ADAMTSL1: variants seen among roughly 807,000 people sequenced by gnomAD.
ADAMTSL1 encodes ADAMTS-like protein 1.
Under a neutral mutation model 201.8 loss-of-function variants are expected in ADAMTSL1, and 126 were observed. The ratio of observed to expected loss-of-function variants is 0.62; its 90% confidence interval spans 0.54 to 0.72. ADAMTSL1 has a LOEUF of 0.72. ADAMTSL1 is among the 30% of genes least tolerant of loss of function. ADAMTSL1 has a pLI of 0.00. For missense variants in ADAMTSL1, 2,679 were observed against 2,277.8 expected, an observed-to-expected ratio of 1.18 and a Z score of -3.59; for synonymous variants, 1,121 against 903.4, an observed-to-expected ratio of 1.24 and a Z score of -4.32.
intron 1 of ADAMTSL1, among the ~76,000 whole-genome samples, chr9:18,499,965 G>A (rs746706389): frequency 6.6e-6 from 1 of 151,922 alleles, no homozygotes; most frequent in South Asian, 2.1e-4. Context: ...CTGTATATGC[G>A]TGTCTCTGAG....
chr9:18,237,439 G>A (rs1322621652), intron 2 of ADAMTSL1, among the ~76,000 whole-genome samples: 6 of 152,126 alleles, frequency 3.9e-5, no homozygotes, highest in African/African-American at 1.2e-4. Context: ...CATATTCCGT[G>A]CTCTCCTGTT....
At chr9:17,979,507 C>G (rs1563930750) in intron 1 of ADAMTSL1, among the ~76,000 whole-genome samples, 3 of 142,808 alleles carry the variant, frequency 2.1e-5, no homozygotes, top group African/African-American at 7.6e-5. Flanking sequence ...ATTTCATTCA[C>G]TGTATTCCTC....
intron 7 of ADAMTSL1, among the ~76,000 whole-genome samples, chr9:18,654,912 T>C (rs2132951077): frequency 6.6e-6 from 1 of 152,356 alleles, no homozygotes; most frequent in South Asian, 2.1e-4. Flanking sequence ...ACACTGTGGA[T>C]CCCAGCTCAG....
intron 1 of ADAMTSL1, among the ~76,000 whole-genome samples, chr9:18,492,412 C>G (rs575829578): frequency 6.6e-6 from 1 of 152,088 alleles, no homozygotes; most frequent in African/African-American, 2.4e-5. Context: ...TTTAGCATTT[C>G]TTTTATTATT....
intron 2 of ADAMTSL1, among the ~76,000 whole-genome samples, chr9:18,517,782 T>A (rs1335200380): frequency 2.6e-5 from 4 of 152,220 alleles, no homozygotes; most frequent in Admixed American, 6.5e-5. Flanking sequence ...GTGCCACATT[T>A]TCTTAATCCA....
At chr9:18,759,101 C>T (rs1326948504) in intron 16 of ADAMTSL1, among the ~76,000 whole-genome samples, 1 of 152,164 alleles carries the variant, frequency 6.6e-6, no homozygotes, top group African/African-American at 2.4e-5. Flanking sequence ...TTCAAGATTG[C>T]GTCCACCCAA....
At chr9:18,886,273 C>T (rs1480807505) in intron 23 of ADAMTSL1, among the ~76,000 whole-genome samples, 1 of 144,716 alleles carries the variant, frequency 6.9e-6, no homozygotes, top group East Asian at 2.0e-4. Context: ...CAGAAATTAT[C>T]TGGACATGGT....
chr9:18,134,668 G>A (rs1017026625), intron 1 of ADAMTSL1, among the ~76,000 whole-genome samples: 9 of 152,142 alleles, frequency 5.9e-5, no homozygotes, highest in African/African-American at 1.9e-4. Context: ...GGGTGTGGTG[G>A]TTCTTTCTTT....
intron 1 of ADAMTSL1, among the ~76,000 whole-genome samples, chr9:18,042,054 A>C (rs771066408): frequency 1.3e-5 from 2 of 151,734 alleles, no homozygotes; most frequent in Non-Finnish European, 2.9e-5. Context: ...GAAGTGCCAA[A>C]ATTTCTACCC....
At chr9:18,859,236 T>C (rs1021062674) in intron 23 of ADAMTSL1, among the ~76,000 whole-genome samples, 2 of 152,198 alleles carry the variant, frequency 1.3e-5, no homozygotes, top group Non-Finnish European at 2.9e-5. Flanking sequence ...CTGGAGGCTC[T>C]ACGGGGAAAT....
intron 14 of ADAMTSL1, among the ~76,000 whole-genome samples, chr9:18,719,217 G>T (rs749270704): frequency 6.6e-6 from 1 of 152,090 alleles, no homozygotes; most frequent in Non-Finnish European, 1.5e-5. Context: ...AATCTCAAAT[G>T]CTCCACCCTG....
At chr9:18,877,957 A>G (rs988536596) in intron 23 of ADAMTSL1, among the ~76,000 whole-genome samples, 1 of 152,110 alleles carries the variant, frequency 6.6e-6, no homozygotes, top group African/African-American at 2.4e-5. Context: ...TGGGACTGCT[A>G]TAGGGGATTG....
rs571575834 is a variant in ADAMTSL1 at position 18,909,805 on chromosome 9, G to A, written c.*1257G>A. 6.6e-6 allele frequency: 1 copy of A among 151,928 alleles called. No individual in the cohort carries two copies. Among genetic ancestry groups the A allele is most frequent in the South Asian group, 2.1e-4 (1 of 4,676 alleles). The allele number at this position is 151,928 out of a possible 1,614,324, so 9.4% of individuals were successfully genotyped here. The stretch of plus-strand genomic sequence containing the variant: ...GGGTCTGCAGGTCCTCCGGCATGTA[G>A]TATTTATCTAGCAAGGCGGGGTGGT... On this transcript the variant is annotated 3_prime_UTR_variant, in exon 29 of 29. Transcript: ENST00000380548.
At chr9:18,203,046 G>A (rs1319414650) in intron 2 of ADAMTSL1, among the ~76,000 whole-genome samples, 2 of 152,110 alleles carry the variant, frequency 1.3e-5, no homozygotes, top group Admixed American at 6.6e-5. Context: ...GTGTCAGGTA[G>A]CCACCTTTCC....
intron 3 of ADAMTSL1, among the ~76,000 whole-genome samples, chr9:18,553,259 T>A (rs1313205468): frequency 6.6e-6 from 1 of 151,144 alleles, no homozygotes; most frequent in Non-Finnish European, 1.5e-5. Flanking sequence ...CTCTACTGGT[T>A]TAAAAGTTAT....
At chr9:18,290,781 G>GTTTTTTTTTT (rs71492936) in intron 2 of ADAMTSL1, among the ~76,000 whole-genome samples, 1 of 135,108 alleles carries the variant, frequency 7.4e-6, no homozygotes, top group Admixed American at 7.0e-5. Context: ...TTTTTTGTGT[G>GTTTTTTTTTT]TTTTTTTTTT....
intron 9 of ADAMTSL1, among the ~76,000 whole-genome samples, chr9:18,668,457 G>T (rs1829605228): frequency 1.3e-5 from 2 of 152,014 alleles, no homozygotes; most frequent in African/African-American, 4.8e-5. Context: ...ACTTCTTATA[G>T]TACACTTTAA....
At chr9:18,301,556 A>C (rs1432025300) in intron 2 of ADAMTSL1, among the ~76,000 whole-genome samples, 1 of 152,184 alleles carries the variant, frequency 6.6e-6, no homozygotes, top group Non-Finnish European at 1.5e-5. Flanking sequence ...AAATAGAACC[A>C]TTATGAATTA....
At chr9:18,778,049 C>T (rs978092407) in intron 19 of ADAMTSL1, 143 bp downstream of exon 19, 57 of 1,004,756 alleles carry the variant, frequency 5.7e-5, no homozygotes, top group African/African-American at 5.1e-4. Context: ...GGGTGCAGGC[C>T]CTCTCTTAGC....
Sources: gnomAD v4.1 joint callset for allele counts (sites outside exome capture counted in the v4.1 genomes callset) on GRCh38, gnomAD v4.1.1 for gene constraint, MANE v1.5 for transcripts, NCBI Gene and HGNC (gene_info 2026-07-23, HGNC 2026-07-21) for gene names.